Variants in BROX observed in about 807,000 individuals in gnomAD.
BROX encodes BRO1 domain and CAAX motif containing, also known as BRO1 domain-containing protein BROX.
A neutral mutation model predicts 61.0 loss-of-function variants in BROX; 53 were observed. The ratio of observed to expected loss-of-function variants is 0.87; its 90% CI spans 0.70 to 1.09. The LOEUF (loss-of-function observed/expected upper bound fraction) is 1.09. Ranked by LOEUF, BROX falls within the 50% of genes least tolerant of loss-of-function variation. BROX has a pLI of 0.00. For missense variants in BROX, 489 were observed against 472.0 expected, an observed-to-expected ratio of 1.04 and a Z score of -0.33; for synonymous variants, 152 against 160.2, an observed-to-expected ratio of 0.95 and a Z score of 0.38.
intron 9 of BROX, among the ~76,000 whole-genome samples, 194 bp from the exon 10 acceptor site, chr1:222,729,425 GA>G (rs1379394918): frequency 6.6e-6 from 1 of 152,234 alleles, no homozygotes; most frequent in East Asian, 1.9e-4. Context: ...TACATGGTTA[GA>G]AGGCTGTTTG....
intron 2 of BROX, 47 bp downstream of exon 2, chr1:222,715,847 G>C: frequency 8.3e-7 from 1 of 1,207,472 alleles, no homozygotes; most frequent in Non-Finnish European, 1.2e-6. Flanking sequence ...TACTTTTTTT[G>C]GTTCCATGGC....
At chr1:222,720,412 CTT>C (rs925280062) in intron 4 of BROX, among the ~76,000 whole-genome samples, 1 of 151,954 alleles carries the variant, frequency 6.6e-6, no homozygotes, top group African/African-American at 2.4e-5. Context: ...ATTAAAAAGA[CTT>C]TTTTAAAGAA....
intron 3 of BROX, 113 bp from the exon 4 acceptor site, chr1:222,719,150 G>A: frequency 7.9e-7 from 1 of 1,268,834 alleles, no homozygotes; most frequent in Admixed American, 2.1e-5. Flanking sequence ...TTGGAAAAGA[G>A]CAAGAAGTTT....
At chr1:222,727,015 T>A (rs886897848) in intron 7 of BROX, among the ~76,000 whole-genome samples, 153 bp from the exon 8 acceptor site, 1 of 152,256 alleles carries the variant, frequency 6.6e-6, no homozygotes, top group African/African-American at 2.4e-5. Context: ...TTTGTTAATG[T>A]TTGCATTTTC....
At position 222,733,576 on chromosome 1, in the gene BROX, C is replaced by G. The variant is rs780464102; in HGVS notation, c.*862C>G. ...TAAAAAGTCACTTATAGTTAAAGAT[C>G]AGAAAATTATCACACCAAATCCATT... is the stretch of plus-strand genomic sequence containing the variant. On this transcript the variant is annotated 3_prime_UTR_variant, in exon 13 of 13. Coordinates refer to ENST00000340934, the MANE Select transcript of BROX (RefSeq NM_144695.4). 1 of 152,142 alleles carries G rather than the reference C, an allele frequency of 6.6e-6. No homozygotes were observed. Among genetic ancestry groups the G allele is most frequent in the Non-Finnish European group, 1.5e-5 (1 of 68,026 alleles). The allele number at this position is 152,142 out of a possible 1,614,324, so 9.4% of individuals were successfully genotyped here.
chr1:222,730,038 G>A lies in BROX; in HGVS notation c.850G>A (p.Ala284Thr). ...TCTTTCACATGCAGTGTATGCAAAG[G>A]CAGAAGCACTGTGTAAAGAATATGG... is the stretch of plus-strand genomic sequence containing the variant. ...LQEAEKLYAK[A>T]EALCKEYGET... Residue 284 changes from alanine (A) to threonine (T), a missense_variant, in exon 11 of 13, where the codon GCA becomes ACA. Physicochemically the swap from Ala to Thr is moderately conservative, Grantham distance 58 (BLOSUM62 0). Coordinates refer to ENST00000340934, the MANE Select transcript of BROX (RefSeq NM_144695.4). 2 of 1,606,390 alleles carry A rather than the reference G, an allele frequency of 1.2e-6. No homozygotes were observed. Among genetic ancestry groups the A allele is most frequent in the Admixed American group, 1.7e-5 (1 of 58,132 alleles).
chr1:222,714,373 T>C (rs1404896730), intron 1 of BROX, among the ~76,000 whole-genome samples: 1 of 151,876 alleles, frequency 6.6e-6, no homozygotes, highest in Non-Finnish European at 1.5e-5. Context: ...CGGCTAATTT[T>C]TTTTTTGTAC....
Position 222,727,218 on chromosome 1 carries a change from G to A in BROX, c.631G>A (p.Ala211Thr). ...ELKHAPGLIA[A>T]LAYETANFYQ... ...AAAACATGCTCCTGGACTAATTGCT[G>A]CACTGGCGTATGAAACAGCCAATTT... Residue 211 changes from alanine (A) to threonine (T), a missense_variant, in exon 8 of 13, where the codon GCA becomes ACA. Physicochemically the swap from Ala to Thr is moderately conservative, Grantham distance 58. Transcript: ENST00000340934. 2 of 1,613,634 alleles carry A rather than the reference G, an allele frequency of 1.2e-6. No homozygotes were observed. Among genetic ancestry groups the A allele is most frequent in the Non-Finnish European group, 8.5e-7 (1 of 1,179,774 alleles).
Position 222,712,776 on chromosome 1 carries a change from T to G in BROX, c.-183T>G. 1 of 1,289,658 alleles carries G rather than the reference T, an allele frequency of 7.8e-7. No individual in the cohort carries two copies. Among genetic ancestry groups the G allele is most frequent in the Non-Finnish European group, 1.0e-6 (1 of 989,050 alleles). The allele number at this position is 1,289,658 out of a possible 1,614,324, so 79.9% of individuals were successfully genotyped here. On this transcript the variant is annotated 5_prime_UTR_variant, in exon 1 of 13. Coordinates refer to ENST00000340934, the MANE Select transcript of BROX (RefSeq NM_144695.4). ...CTGCGCGCACTACCGCCTCGGTAGC[T>G]ATCATGGCCGCCGGGTCACGTGACT...
chr1:222,720,077 G>A (rs1235054703), intron 4 of BROX, among the ~76,000 whole-genome samples: 3 of 152,120 alleles, frequency 2.0e-5, no homozygotes, highest in South Asian at 2.1e-4. Flanking sequence ...ACATTACAAC[G>A]AAAAGAGTAT....
At chr1:222,714,586 T>G (rs567133326) in intron 1 of BROX, among the ~76,000 whole-genome samples, 1 of 149,620 alleles carries the variant, frequency 6.7e-6, no homozygotes, top group African/African-American at 2.5e-5. Context: ...TTTTTTGTTT[T>G]TTTTTTCCTT....
At chr1:222,718,716 A>T (rs1656823678) in intron 2 of BROX, among the ~76,000 whole-genome samples, 1 of 151,992 alleles carries the variant, frequency 6.6e-6, no homozygotes, top group African/African-American at 2.4e-5. Flanking sequence ...TTTTCTCTAG[A>T]TTTAGTCCTG....
chr1:222,719,469 C>A (rs762950419), intron 4 of BROX, 110 bp downstream of exon 4: 3 of 707,416 alleles, frequency 4.2e-6, no homozygotes, highest in Non-Finnish European at 7.3e-6. Flanking sequence ...GTCTGCTCAG[C>A]GTTTTCTCTT....
intron 4 of BROX, among the ~76,000 whole-genome samples, chr1:222,720,407 A>G (rs1043706274): frequency 1.3e-5 from 2 of 152,202 alleles, no homozygotes; most frequent in African/African-American, 4.8e-5. Context: ...TTTTAATTAA[A>G]AAGACTTTTT....
intron 2 of BROX, among the ~76,000 whole-genome samples, chr1:222,718,540 TTAG>T (rs1369114931): frequency 6.6e-6 from 1 of 152,222 alleles, no homozygotes; most frequent in African/African-American, 2.4e-5. Flanking sequence ...TGTGAACTGC[TTAG>T]TTTTTTATTC....
chr1:222,715,115 C>A (rs1434343425), intron 1 of BROX: 1 of 152,198 alleles, frequency 6.6e-6, no homozygotes, highest in Non-Finnish European at 1.5e-5. Context: ...AAATTACGTT[C>A]ATCTGGTCCT....
chr1:222,713,121 C>A, intron 1 of BROX, 179 bp downstream of exon 1: 1 of 1,004,408 alleles, frequency 1.0e-6, no homozygotes, highest in Middle Eastern at 5.0e-4. Context: ...TTGGTCACCA[C>A]AAATCAGTGG....
chr1:222,716,138 G>T (rs566504861), intron 2 of BROX, among the ~76,000 whole-genome samples: 1 of 151,510 alleles, frequency 6.6e-6, no homozygotes, highest in East Asian at 1.9e-4. Context: ...CACTCTTGTC[G>T]CCCAGGCTGG....
In BROX at chr1:222,732,816, C is replaced by T. The variant is rs1227263104; in HGVS notation, c.*102C>T. ...GATTTCTCTGAAGCTTGTAGAATAA[C>T]TATTATATTCAGAGGGTTATCTGCC... On this transcript the variant is annotated 3_prime_UTR_variant, in exon 13 of 13. Transcript: ENST00000340934. 1.1e-6 allele frequency: 1 copy of T among 913,854 alleles called. No individual in the cohort carries two copies. Among genetic ancestry groups the T allele is most frequent in the Non-Finnish European group, 1.7e-6 (1 of 596,418 alleles). The allele number at this position is 913,854 out of a possible 1,614,324, so 56.6% of individuals were successfully genotyped here.
Sources: gnomAD v4.1 joint callset for allele counts (sites outside exome capture counted in the v4.1 genomes callset) on GRCh38, gnomAD v4.1.1 for gene constraint, MANE v1.5 for transcripts, NCBI Gene and HGNC (gene_info 2026-07-23, HGNC 2026-07-21) for gene names.